TESC: variants seen among roughly 807,000 people sequenced by gnomAD.
TESC encodes calcineurin B homologous protein 3.
Under a neutral mutation model 31.0 loss-of-function variants are expected in TESC, and 19 were observed. The observed-to-expected ratio is 0.61, with a 90% CI of 0.43 to 0.90. The LOEUF is 0.90. Ranked by LOEUF, TESC falls within the 40% of genes least tolerant of loss-of-function variation. TESC has a pLI of 0.00. For missense variants in TESC, 248 were observed against 303.8 expected, an observed-to-expected ratio of 0.82 and a Z score of 1.36; for synonymous variants, 109 against 114.8, an observed-to-expected ratio of 0.95 and a Z score of 0.32.
At position 117,088,949 on chromosome 12, in the gene TESC, G is replaced by C. The variant is rs1955261875; in HGVS notation, c.58+10276C>G. Among the ~76,000 whole-genome samples the C allele has an allele frequency of 3.9e-5, 6 of 152,340 alleles. No individual in the cohort carries two copies. The South Asian group carries it at 1.2e-3, about 32-fold the overall frequency. On this transcript the variant is annotated intron_variant, in intron 1 of 7. Coordinates refer to ENST00000335209, the MANE Select transcript of TESC (RefSeq NM_017899.4). ...AATGGTTTCAGGCTCCAACAGCTAA[G>C]GGTGGGGACTTCAAGTCCACTGAGT... is the stretch of plus-strand genomic sequence containing the variant.
intron 2 of TESC, among the ~76,000 whole-genome samples, chr12:117,068,859 G>A (rs561685573): frequency 1.4e-4 from 21 of 152,278 alleles, no homozygotes; most frequent in African/African-American, 4.3e-4. Flanking sequence ...GCCTGCCAGC[G>A]TGCTATCAGG....
intron 5 of TESC, 30 bp downstream of exon 5, chr12:117,046,747 C>G: frequency 1.3e-6 from 2 of 1,555,988 alleles, no homozygotes; most frequent in Non-Finnish European, 1.7e-6. Context: ...GCACCAGGAG[C>G]CCCGGGCGGG....
At chr12:117,057,330 G>T (rs1053078206) in intron 2 of TESC, among the ~76,000 whole-genome samples, 3 of 152,110 alleles carry the variant, frequency 2.0e-5, no homozygotes, top group Non-Finnish European at 4.4e-5. Context: ...GAACTCCTGG[G>T]CTCAAGTGAT....
intron 1 of TESC, among the ~76,000 whole-genome samples, chr12:117,097,631 G>A (rs1026633744): frequency 6.6e-6 from 1 of 151,990 alleles, no homozygotes; most frequent in African/African-American, 2.4e-5. Flanking sequence ...ATTAGTCTTC[G>A]GATTGAAGTG....
At chr12:117,040,196 C>G (rs1291552383) in intron 7 of TESC, among the ~76,000 whole-genome samples, 1 of 152,220 alleles carries the variant, frequency 6.6e-6, no homozygotes, top group Admixed American at 6.5e-5. Flanking sequence ...CTTTCCTGAG[C>G]CTGTTCTGGG....
intron 1 of TESC, among the ~76,000 whole-genome samples, chr12:117,094,267 G>A (rs984689920): frequency 2.6e-5 from 4 of 152,320 alleles, no homozygotes; most frequent in East Asian, 1.9e-4. Context: ...AGGTGGGCAC[G>A]CAGACCTGAT....
chr12:117,073,909 G>A (rs890474183), intron 2 of TESC, among the ~76,000 whole-genome samples: 5 of 139,148 alleles, frequency 3.6e-5, no homozygotes, highest in East Asian at 2.0e-4. Context: ...GCAAGACCAC[G>A]TCTCAAAAAA....
At chr12:117,077,780 G>A (rs1488743005) in intron 1 of TESC, among the ~76,000 whole-genome samples, 1 of 152,196 alleles carries the variant, frequency 6.6e-6, no homozygotes, top group Non-Finnish European at 1.5e-5. Context: ...TTTGGAGGAT[G>A]AGATGAGGAG....
chr12:117,056,068 G>A (rs1954718782), intron 3 of TESC, among the ~76,000 whole-genome samples: 1 of 151,962 alleles, frequency 6.6e-6, no homozygotes, highest in Non-Finnish European at 1.5e-5. Context: ...TTACAGATGT[G>A]TACCACCACA....
At chr12:117,052,395 AG>A (rs1270585724) in intron 3 of TESC, among the ~76,000 whole-genome samples, 1 of 152,214 alleles carries the variant, frequency 6.6e-6, no homozygotes, top group East Asian at 1.9e-4. Context: ...CAGCATTTAC[AG>A]GATGTGATGT....
rs9308 is a variant in TESC, at chr12:117,039,091, C to T, written c.*42G>A. The stretch of plus-strand genomic sequence containing the variant: ...CTGCTCCAGCTACGCGGGGAGGCGG[C>T]CCCATTGCAAAGTGCAGTTTCTCCG... On this transcript the variant is annotated 3_prime_UTR_variant, in exon 8 of 8. Coordinates refer to ENST00000335209, the MANE Select transcript of TESC (RefSeq NM_017899.4). The T allele has an allele frequency of 6.2e-7, 1 of 1,604,892 alleles. No homozygotes were observed. Among genetic ancestry groups the T allele is most frequent in the East Asian group, 2.2e-5 (1 of 44,504 alleles).
At chr12:117,099,091 A>G in intron 1 of TESC, 134 bp downstream of exon 1, 1 of 931,868 alleles carries the variant, frequency 1.1e-6, no homozygotes, top group Non-Finnish European at 1.5e-6. Flanking sequence ...CATTTGAAAG[A>G]GGAGGAGACT....
chr12:117,078,374 G>C (rs1342621184), intron 1 of TESC, among the ~76,000 whole-genome samples: 1 of 152,172 alleles, frequency 6.6e-6, no homozygotes, highest in African/African-American at 2.4e-5. Flanking sequence ...ACTGAAGCAG[G>C]AGAATCGCTT....
rs184515308 is a variant in TESC, at chr12:117,074,641, C to T, written c.128+630G>A. ...CACAACTGATACATCTTTGTGTGCC[C>T]GGCAGTTGGAAGGACCCTGGGATTT... is the stretch of plus-strand genomic sequence containing the variant. On this transcript the variant is annotated intron_variant, in intron 2 of 7. Coordinates refer to ENST00000335209, the MANE Select transcript of TESC (RefSeq NM_017899.4). Among the ~76,000 whole-genome samples, 488 of 152,126 alleles carry T rather than the reference C, an allele frequency of 3.2e-3. 1 individual carries two copies. The highest frequency in any genetic ancestry group is 0.01 in the African/African-American group (418 of 41,492).
intron 3 of TESC, among the ~76,000 whole-genome samples, chr12:117,051,369 T>C (rs1277843802): frequency 6.6e-6 from 1 of 152,206 alleles, no homozygotes; most frequent in Non-Finnish European, 1.5e-5. Context: ...GTCCCAAGTC[T>C]GGATTAGGGA....
chr12:117,052,196 C>A (rs1388432648), intron 3 of TESC, among the ~76,000 whole-genome samples: 2 of 152,168 alleles, frequency 1.3e-5, no homozygotes, highest in African/African-American at 4.8e-5. Flanking sequence ...TGCAAAGATG[C>A]CCCCTTAACT....
intron 2 of TESC, among the ~76,000 whole-genome samples, chr12:117,057,352 A>C (rs1014363574): frequency 6.6e-6 from 1 of 152,148 alleles, no homozygotes; most frequent in Non-Finnish European, 1.5e-5. Context: ...CTCCTGCCTC[A>C]GCCTCCCAAA....
rs748927568 is a variant in TESC, at chr12:117,049,141, G to C, written c.227C>G (p.Pro76Arg). 6.2e-7 allele frequency: 1 copy of C among 1,614,244 alleles called. No individual in the cohort carries two copies. The highest frequency in any genetic ancestry group is 1.1e-5 in the South Asian group (1 of 91,086). Residue 76 changes from proline to arginine, a missense_variant, in exon 4 of 8, where the codon CCC (proline) becomes CGC (arginine). Physicochemically the swap from Pro to Arg is moderately radical, Grantham distance 103. Coordinates refer to ENST00000335209, the MANE Select transcript of TESC (RefSeq NM_017899.4). ...ATTGATCTCATCAGCCAGGCCACTG[G>C]GTCCCTTGCGCAGGTTCCTACGGGA... ...FFDNRNLRKG[P>R]SGLADEINFE...
chr12:117,067,131 A>C (rs1005673370), intron 2 of TESC, among the ~76,000 whole-genome samples: 8 of 152,094 alleles, frequency 5.3e-5, no homozygotes, highest in African/African-American at 1.9e-4. Context: ...TTCCTCTTTA[A>C]GTGAACGTGC....
Sources: gnomAD v4.1 joint callset for allele counts (sites outside exome capture counted in the v4.1 genomes callset) on GRCh38, gnomAD v4.1.1 for gene constraint, MANE v1.5 for transcripts, NCBI Gene and HGNC (gene_info 2026-07-23, HGNC 2026-07-21) for gene names.